The following FUCA1 variants were observed in gnomAD, a reference collection of about 807,000 sequenced individuals.
FUCA1 encodes tissue alpha-L-fucosidase.
FUCA1 carries 52 observed loss-of-function variants against 56.8 expected under a neutral mutation model. The ratio of observed to expected loss-of-function variants is 0.92; its 90% CI spans 0.73 to 1.15. The LOEUF (loss-of-function observed/expected upper bound fraction) is 1.15. Ranked by LOEUF, FUCA1 falls within the 50% of genes most tolerant of loss-of-function variation. The pLI is 0.00. For synonymous variants in FUCA1, 230 were observed against 226.6 expected (o/e 1.02, Z -0.14); for missense variants, 568 against 592.6 (o/e 0.96, Z 0.43).
At chr1:23,846,827 C>T (rs1462979884) in intron 6 of FUCA1, among the ~76,000 whole-genome samples, 1 of 152,116 alleles carries the variant, frequency 6.6e-6, no homozygotes, top group Non-Finnish European at 1.5e-5. Flanking sequence ...GGTGATCCAC[C>T]CGCCTCGGCC....
At chr1:23,863,037 T>C (rs1639541148) in intron 3 of FUCA1, 97 bp downstream of exon 3, 3 of 1,327,938 alleles carry the variant, frequency 2.3e-6, no homozygotes, top group Non-Finnish European at 2.2e-6. Flanking sequence ...TTTTAGGTTT[T>C]TTTCATACCT....
In FUCA1 at chr1:23,845,550, T is replaced by C. The variant is rs1280669787; in HGVS notation, c.*165A>G. On this transcript the variant is annotated 3_prime_UTR_variant, in exon 8 of 8. Transcript: ENST00000374479. ...CAATGGATCTCAGATCTTTGGTCCA[T>C]TTAGACATCAGGGTAATGTACTCAG... 2 of 766,232 alleles carry C rather than the reference T, an allele frequency of 2.6e-6. No homozygotes were observed. The highest frequency in any genetic ancestry group is 2.5e-5 in the East Asian group (1 of 39,364). 47.5% of individuals were successfully genotyped at this position (766,232 alleles called of 1,614,324 possible).
In FUCA1 at chr1:23,867,858, C is replaced by A. The variant is rs1323755028; in HGVS notation, c.389+40G>T. The A allele has an allele frequency of 2.0e-6, 3 of 1,525,242 alleles. No individual in the cohort carries two copies. The highest frequency in any genetic ancestry group is 2.2e-4 in the Middle Eastern group (1 of 4,546). 94.5% of individuals were successfully genotyped at this position (1,525,242 alleles called of 1,614,324 possible). A position where few individuals can be genotyped will look rare whatever the true frequency, so the allele number is the denominator to read the frequency against. On this transcript the variant is annotated intron_variant, in intron 1 of 7. Coordinates refer to ENST00000374479, the MANE Select transcript of FUCA1 (RefSeq NM_000147.5). This position sits in a 1 kb window ranked among gnomAD's most constrained non-coding sequence, Gnocchi z 4.9. ...CCAGCCCCACCTCCTGTTTGCCGCC[C>A]GAGCCGGGAAGGGGCGCCGCTCCCC...
chr1:23,861,322 C>CAAAAAAAA (rs34240712), intron 3 of FUCA1, among the ~76,000 whole-genome samples: 1 of 60,508 alleles, frequency 1.7e-5, no homozygotes, highest in Admixed American at 2.1e-4. Context: ...GACTCCGTCT[C>CAAAAAAAA]AAAAAAAAAA....
intron 4 of FUCA1, among the ~76,000 whole-genome samples, chr1:23,856,971 G>A (rs1338782145): frequency 2.7e-5 from 4 of 150,546 alleles, no homozygotes; most frequent in African/African-American, 9.8e-5. Context: ...CAGCCTGGGC[G>A]ACAGTGCGAG....
chr1:23,849,780 A>G (rs890521850), intron 5 of FUCA1, among the ~76,000 whole-genome samples: 2 of 151,164 alleles, frequency 1.3e-5, no homozygotes, highest in South Asian at 2.1e-4. Context: ...ATGGGGTTTC[A>G]CTATGTTGGC....
At chr1:23,859,316 C>T (rs1036915452) in intron 4 of FUCA1, among the ~76,000 whole-genome samples, 1 of 151,938 alleles carries the variant, frequency 6.6e-6, no homozygotes, top group African/African-American at 2.4e-5. Flanking sequence ...CCTGTAATCC[C>T]AGAACTTTGG....
chr1:23,855,818 T>A (rs1404413306), intron 4 of FUCA1, among the ~76,000 whole-genome samples: 2 of 152,086 alleles, frequency 1.3e-5, no homozygotes, highest in African/African-American at 4.8e-5. Context: ...GTATTAACAA[T>A]CCTAATTCTT....
chr1:23,857,047 C>T (rs1389893809), intron 4 of FUCA1, among the ~76,000 whole-genome samples: 3 of 151,720 alleles, frequency 2.0e-5, no homozygotes, highest in African/African-American at 7.3e-5. Flanking sequence ...TCTAGCTAGT[C>T]ATGCTTTTTA....
At chr1:23,847,342 C>CT (rs71026630) in intron 6 of FUCA1, among the ~76,000 whole-genome samples, 55,414 of 146,190 alleles carry the variant, frequency 0.38, 10,520 homozygotes, top group East Asian at 0.48. Context: ...TCAGAGATTT[C>CT]TTTTTTTTTT....
intron 5 of FUCA1, among the ~76,000 whole-genome samples, chr1:23,850,609 G>A (rs1197156002): frequency 6.6e-6 from 1 of 151,970 alleles, no homozygotes; most frequent in Non-Finnish European, 1.5e-5. Flanking sequence ...TCAGCCTCCT[G>A]AGTAGCTGGG....
chr1:23,864,815 C>G (rs919821333), intron 2 of FUCA1, among the ~76,000 whole-genome samples: 6 of 151,934 alleles, frequency 3.9e-5, no homozygotes, highest in African/African-American at 1.5e-4. Context: ...AGTGATTCTC[C>G]TACCTCAGCC....
At chr1:23,865,241 C>A (rs1425536704) in intron 2 of FUCA1, among the ~76,000 whole-genome samples, 6 of 152,196 alleles carry the variant, frequency 3.9e-5, no homozygotes, top group Non-Finnish European at 8.8e-5. Flanking sequence ...TGGCCATGAA[C>A]TTCTGTAACG....
intron 2 of FUCA1, 89 bp from the exon 3 acceptor site, chr1:23,863,360 T>G (rs1017057676): frequency 7.7e-7 from 1 of 1,293,638 alleles, no homozygotes; most frequent in African/African-American, 1.5e-5. Context: ...TTTTTTCATT[T>G]CAGTGGCACT....
rs1346460938 is a variant in FUCA1, at chr1:23,860,026, T to C, written c.663-123A>G. 5 of 681,694 alleles carry C rather than the reference T, an allele frequency of 7.3e-6. No homozygotes were observed. In the East Asian group the frequency reaches 1.4e-4, roughly 19 times the overall value. 42.2% of individuals were successfully genotyped at this position (681,694 alleles called of 1,614,324 possible). A position where few individuals can be genotyped will look rare whatever the true frequency, so the allele number is the denominator to read the frequency against. On this transcript the variant is annotated intron_variant, in intron 3 of 7. Coordinates refer to ENST00000374479, the MANE Select transcript of FUCA1 (RefSeq NM_000147.5). ...GTTGCCTAAGCTTGAGTCCAGCAGC[T>C]ATCAACATGTATGATCACAATGCAC...
At chr1:23,851,643 A>C (rs1570676184) in intron 5 of FUCA1, among the ~76,000 whole-genome samples, 2 of 152,234 alleles carry the variant, frequency 1.3e-5, no homozygotes, top group East Asian at 3.8e-4. Flanking sequence ...GAAGCTGGAC[A>C]TCACTCTTAC....
At position 23,845,732 on chromosome 1, in the gene FUCA1, G is replaced by A; in HGVS notation, c.1384C>T (p.Leu462=). 1 of 1,614,192 alleles carries A rather than the reference G, an allele frequency of 6.2e-7. No homozygotes were observed. The highest frequency in any genetic ancestry group is 1.3e-5 in the African/African-American group (1 of 75,050). The part of the protein sequence containing the change: ...VPAEFAWTIK[L]TGVK ...TCAAATGATTACTTCACTCCTGTCA[G>A]CTTTATAGTCCAAGCAAACTCTGCG... is the stretch of plus-strand genomic sequence containing the variant. The change falls in exon 8 of 8, where the codon CTG becomes TTG. Residue 462 remains leucine, a synonymous_variant. Coordinates refer to ENST00000374479, the MANE Select transcript of FUCA1 (RefSeq NM_000147.5).
chr1:23,866,197 A>C (rs1639620719), intron 1 of FUCA1, among the ~76,000 whole-genome samples: 1 of 152,214 alleles, frequency 6.6e-6, no homozygotes, highest in Admixed American at 6.5e-5. Flanking sequence ...CTGTAGTCCC[A>C]GGTATTTGAG....
intron 2 of FUCA1, among the ~76,000 whole-genome samples, chr1:23,863,849 CT>C (rs1639562549): frequency 6.6e-6 from 1 of 152,022 alleles, no homozygotes; most frequent in Non-Finnish European, 1.5e-5. Context: ...GAGACCCTGT[CT>C]CAAAACAAAA....
Sources: gnomAD v4.1 joint callset for allele counts (sites outside exome capture counted in the v4.1 genomes callset) on GRCh38, gnomAD v4.1.1 for gene constraint, Gnocchi (gnomAD v3.1) non-coding constraint, MANE v1.5 for transcripts, NCBI Gene and HGNC (gene_info 2026-07-23, HGNC 2026-07-21) for gene names.